Variants in GABRG3 observed in about 807,000 individuals in gnomAD.
The protein encoded by GABRG3 is gamma-aminobutyric acid type A receptor subunit gamma3.
A neutral mutation model predicts 48.8 loss-of-function variants in GABRG3; 25 were observed. That is an observed-to-expected ratio of 0.51 (90% CI 0.37 to 0.72). GABRG3 has a LOEUF of 0.72. GABRG3 is among the 30% of genes least tolerant of loss of function. The pLI is 0.00. For synonymous variants in GABRG3, 227 were observed against 217.6 expected, an observed-to-expected ratio of 1.04 and a Z score of -0.38; for missense variants, 394 against 577.9, an observed-to-expected ratio of 0.68 and a Z score of 3.26.
At chr15:27,183,165 G>A (rs1887987266) in intron 3 of GABRG3, among the ~76,000 whole-genome samples, 1 of 151,632 alleles carries the variant, frequency 6.6e-6, no homozygotes, top group Non-Finnish European at 1.5e-5. Flanking sequence ...ATCAGCCAGA[G>A]GTTAGTGTGT....
chr15:27,022,749 C>G (rs1336073150), intron 2 of GABRG3, among the ~76,000 whole-genome samples: 3 of 152,136 alleles, frequency 2.0e-5, no homozygotes, highest in Admixed American at 6.6e-5. Context: ...GTCAGGTCCC[C>G]CTTCCCACTG....
intron 3 of GABRG3, among the ~76,000 whole-genome samples, chr15:27,194,958 C>T (rs1162985513): frequency 6.6e-6 from 1 of 152,146 alleles, no homozygotes; most frequent in Admixed American, 6.5e-5. Flanking sequence ...ATTTATTTTA[C>T]AATCTACTTT....
chr15:27,215,241 G>T (rs370801840), intron 3 of GABRG3, among the ~76,000 whole-genome samples: 2 of 152,292 alleles, frequency 1.3e-5, no homozygotes, highest in East Asian at 1.9e-4. Context: ...TCTTGGCAGG[G>T]TGATGAGGGC....
chr15:26,982,740 G>C (rs1395255283), intron 2 of GABRG3, among the ~76,000 whole-genome samples: 1 of 152,150 alleles, frequency 6.6e-6, no homozygotes, highest in Non-Finnish European at 1.5e-5. Flanking sequence ...GTCCTCATAA[G>C]TCATCATCAC....
intron 3 of GABRG3, among the ~76,000 whole-genome samples, chr15:27,092,857 C>T (rs1413076416): frequency 6.6e-6 from 1 of 152,026 alleles, no homozygotes; most frequent in Admixed American, 6.6e-5. Context: ...GTCCCCCCTG[C>T]AGCCCCACAT....
At chr15:27,340,533 G>C (rs1437883958) in intron 5 of GABRG3, 1 of 153,756 alleles carries the variant, frequency 6.5e-6, no homozygotes, top group African/African-American at 2.4e-5. Flanking sequence ...CAAACAACTT[G>C]AAGGAGCCAC....
At chr15:27,506,307 C>CT (rs1890759344) in intron 6 of GABRG3, among the ~76,000 whole-genome samples, 1 of 152,148 alleles carries the variant, frequency 6.6e-6, no homozygotes, top group Admixed American at 6.5e-5. Context: ...TCTGGGTGGG[C>CT]TTTAATTGAT....
chr15:27,297,418 A>G (rs1006129680), intron 3 of GABRG3, among the ~76,000 whole-genome samples: 1 of 152,212 alleles, frequency 6.6e-6, no homozygotes, highest in Non-Finnish European at 1.5e-5. Flanking sequence ...TGCAAGCACC[A>G]TTTGTGGTAA....
chr15:27,357,532 T>C (rs1015033945), intron 5 of GABRG3, among the ~76,000 whole-genome samples: 2 of 152,150 alleles, frequency 1.3e-5, no homozygotes, highest in African/African-American at 4.8e-5. Flanking sequence ...CTAAATATAA[T>C]AAAAAGCCTA....
intron 5 of GABRG3, among the ~76,000 whole-genome samples, chr15:27,338,673 C>T (rs546862008): frequency 1.3e-5 from 2 of 152,136 alleles, no homozygotes; most frequent in Non-Finnish European, 2.9e-5. Context: ...TTTGTTCCCT[C>T]CAGACAGTAA....
At chr15:27,340,101 C>T (rs955759845) in intron 5 of GABRG3, among the ~76,000 whole-genome samples, 1 of 152,116 alleles carries the variant, frequency 6.6e-6, no homozygotes, top group Admixed American at 6.6e-5. Context: ...CTCCCTTTCC[C>T]CATCTGCAAG....
At chr15:27,205,885 T>C (rs556307961) in intron 3 of GABRG3, among the ~76,000 whole-genome samples, 10 of 152,108 alleles carry the variant, frequency 6.6e-5, no homozygotes, top group Admixed American at 4.6e-4. Context: ...CTCTTAGGGT[T>C]TTTTGAATTT....
At chr15:27,527,894 A>T in intron 8 of GABRG3, 39 bp from the exon 9 acceptor site, 1 of 1,471,080 alleles carries the variant, frequency 6.8e-7, no homozygotes, top group Non-Finnish European at 9.3e-7. Context: ...GCAAATGTTC[A>T]TGACAGTTTC....
chr15:27,448,774 C>T (rs1309225187), intron 5 of GABRG3, among the ~76,000 whole-genome samples: 1 of 151,968 alleles, frequency 6.6e-6, no homozygotes, highest in African/African-American at 2.4e-5. Context: ...ATAGGAGTGC[C>T]ATGCCTGTAC....
intron 5 of GABRG3, among the ~76,000 whole-genome samples, chr15:27,355,665 T>G (rs1209439183): frequency 2.0e-5 from 3 of 152,240 alleles, no homozygotes; most frequent in African/African-American, 7.2e-5. Flanking sequence ...CAAAAACTTG[T>G]ACATGAATGT....
intron 3 of GABRG3, among the ~76,000 whole-genome samples, chr15:27,112,044 G>T (rs550015961): frequency 3.9e-5 from 6 of 152,138 alleles, no homozygotes; most frequent in Non-Finnish European, 8.8e-5. Context: ...TTGAAGAAAA[G>T]TTCAGTAAAG....
chr15:27,171,720 C>T (rs997248072), intron 3 of GABRG3, among the ~76,000 whole-genome samples: 2 of 152,000 alleles, frequency 1.3e-5, no homozygotes, highest in African/African-American at 4.8e-5. Flanking sequence ...AATTCTTAGG[C>T]CAACCAAGAT....
chr15:27,154,789 CT>C (rs552476362), intron 3 of GABRG3, among the ~76,000 whole-genome samples: 17 of 151,934 alleles, frequency 1.1e-4, no homozygotes, highest in South Asian at 1.0e-3. Flanking sequence ...TTGGTTTATA[CT>C]TTTTTTTGTC....
Position 27,387,744 on chromosome 15 carries a change from A to G in GABRG3, c.574+58856A>G, listed in dbSNP as rs114677340. On this transcript the variant is annotated intron_variant, in intron 5 of 9. Coordinates refer to ENST00000615808, the MANE Select transcript of GABRG3 (RefSeq NM_033223.5). Reference sequence around the variant, plus strand: ...CACAGACCCCAGCAGGGAGGGGGCCAAATGTCACCTCTGCTCATGACAGTA... The same window carrying G: ...CACAGACCCCAGCAGGGAGGGGGCCGAATGTCACCTCTGCTCATGACAGTA... Among the ~76,000 whole-genome samples, 223 of 145,134 alleles carry G rather than the reference A, an allele frequency of 1.5e-3. 2 individuals carry two copies. Among genetic ancestry groups the G allele is most frequent in the African/African-American group, 5.4e-3 (208 of 38,684 alleles).
Sources: gnomAD v4.1 joint callset for allele counts (sites outside exome capture counted in the v4.1 genomes callset) on GRCh38, gnomAD v4.1.1 for gene constraint, MANE v1.5 for transcripts, NCBI Gene and HGNC (gene_info 2026-07-23, HGNC 2026-07-21) for gene names.